COL15A1: variants seen among roughly 807,000 people sequenced by gnomAD.
COL15A1 encodes collagen alpha-1(XV) chain.
In COL15A1, 111 loss-of-function variants were observed where a neutral mutation model predicts 165.9. The ratio of observed to expected loss-of-function variants is 0.67; its 90% CI spans 0.57 to 0.78. The LOEUF is 0.78. Among genes scored for constraint, COL15A1 ranks in the 30% least tolerant of loss-of-function variants. The pLI is 0.00. For missense variants in COL15A1, 1,745 were observed against 1,789.7 expected (o/e 0.98, Z 0.45); for synonymous variants, 659 against 674.8 (o/e 0.98, Z 0.36).
chr9:99,042,606 C>T (rs1474027592), intron 24 of COL15A1, among the ~76,000 whole-genome samples: 1 of 152,170 alleles, frequency 6.6e-6, no homozygotes, highest in African/African-American at 2.4e-5. Context: ...GCCTGGTATA[C>T]AAATGGTACT....
At chr9:99,034,642 TTTGAGTTTACTA>T (rs1319560006) in intron 17 of COL15A1, 58 bp downstream of exon 17, 4 of 783,346 alleles carry the variant, frequency 5.1e-6, no homozygotes, top group Admixed American at 1.1e-4. Flanking sequence ...CTCCCCTTTC[TTTGAGTTTACTA>T]TAATTGGACT....
At chr9:99,004,553 T>C (rs568991561) in intron 8 of COL15A1, among the ~76,000 whole-genome samples, 1 of 152,278 alleles carries the variant, frequency 6.6e-6, no homozygotes, top group South Asian at 2.1e-4. Context: ...TCTGAGGACC[T>C]AGACTTTTGT....
In COL15A1 at chr9:98,986,015, G is replaced by A. The variant is rs138366672; in HGVS notation, c.551G>A (p.Arg184His). The A allele has an allele frequency of 6.5e-5, 105 of 1,614,068 alleles. No individual in the cohort carries two copies. In the African/African-American group the frequency reaches 9.1e-4, roughly 14 times the overall value. Residue 184 changes from arginine (R) to histidine (H), a missense_variant, in exon 3 of 42, where the codon CGC becomes CAC. By Grantham distance (29) the Arg-to-His change is conservative (BLOSUM62 0). Coordinates refer to ENST00000375001, the MANE Select transcript of COL15A1 (RefSeq NM_001855.5). ...CTCGTGAACTGTGAGGAGCACAGCC[G>A]CATCCCCTTCCAGCGGTCCTCCCAG... The part of the protein sequence containing the change: ...TLLVNCEEHS[R>H]IPFQRSSQAL...
chr9:99,049,545 C>A, intron 28 of COL15A1, 145 bp from the exon 29 acceptor site: 2 of 898,212 alleles, frequency 2.2e-6, no homozygotes, highest in Non-Finnish European at 3.4e-6. Flanking sequence ...CATAGAAGTG[C>A]TCTGTGGCTC....
Position 99,000,903 on chromosome 9 carries a change from T to C in COL15A1, c.1017T>C (p.Thr339=), listed in dbSNP as rs1004082080. The C allele has an allele frequency of 8.7e-6, 14 of 1,605,944 alleles. No homozygotes were observed. The Admixed American group carries it at 1.2e-4, about 13-fold the overall frequency. ...ATTCTGTGGATGGTGACCCCATTAC[T>C]GACAGCGGCTCAGGGGCTGGGGCCT... The part of the protein sequence containing the change: ...GVHSVDGDPI[T]DSGSGAGAFL... The change falls in exon 7 of 42, where the codon ACT becomes ACC. Residue 339 remains threonine, a synonymous_variant. Coordinates refer to ENST00000375001, the MANE Select transcript of COL15A1 (RefSeq NM_001855.5).
At chr9:98,973,558 C>A (rs1040433864) in intron 2 of COL15A1, among the ~76,000 whole-genome samples, 1 of 152,182 alleles carries the variant, frequency 6.6e-6, no homozygotes, top group Non-Finnish European at 1.5e-5. Context: ...CCTCAGGCAC[C>A]GTGGATTGTG....
chr9:98,962,074 C>T (rs775702590), intron 2 of COL15A1, among the ~76,000 whole-genome samples: 47 of 152,358 alleles, frequency 3.1e-4, no homozygotes, highest in Middle Eastern at 6.8e-3. Flanking sequence ...AGCTTCCTCC[C>T]GTCTATACAA....
chr9:98,956,009 A>G (rs982352195), intron 2 of COL15A1, among the ~76,000 whole-genome samples: 4 of 152,232 alleles, frequency 2.6e-5, no homozygotes, highest in Admixed American at 1.3e-4. Flanking sequence ...AACCTAAGAA[A>G]ATACCAAGGG....
At chr9:99,067,549 C>T (rs1183215824) in intron 40 of COL15A1, among the ~76,000 whole-genome samples, 2 of 152,088 alleles carry the variant, frequency 1.3e-5, no homozygotes, top group East Asian at 3.8e-4. Flanking sequence ...TAGGATCCCT[C>T]GATTATTCCA....
At chr9:99,040,407 T>C (rs1839381272) in intron 22 of COL15A1, 114 bp from the exon 23 acceptor site, 2 of 1,548,756 alleles carry the variant, frequency 1.3e-6, no homozygotes, top group Non-Finnish European at 1.8e-6. Flanking sequence ...CAATCCGTCT[T>C]CCCAGCTGTG....
intron 7 of COL15A1, among the ~76,000 whole-genome samples, chr9:99,002,320 A>G (rs1838673470): frequency 6.6e-6 from 1 of 151,788 alleles, no homozygotes; most frequent in East Asian, 1.9e-4. Context: ...GTCTCCCTGG[A>G]GAAAATCAGA....
At chr9:99,037,825 G>A (rs1349514132) in intron 21 of COL15A1, among the ~76,000 whole-genome samples, 1 of 152,196 alleles carries the variant, frequency 6.6e-6, no homozygotes, top group Non-Finnish European at 1.5e-5. Context: ...AACTTCCAAA[G>A]CTCTAGTGTC....
intron 30 of COL15A1, 108 bp downstream of exon 30, chr9:99,050,003 G>A (rs1839559259): frequency 1.4e-6 from 2 of 1,462,796 alleles, no homozygotes; most frequent in African/African-American, 1.4e-5. Flanking sequence ...TGTCCTCTCT[G>A]ATGTCTTCTG....
chr9:98,961,226 G>T (rs1837860842), intron 2 of COL15A1, among the ~76,000 whole-genome samples: 1 of 152,232 alleles, frequency 6.6e-6, no homozygotes, highest in African/African-American at 2.4e-5. Flanking sequence ...AAAATGAAAA[G>T]CAAGATAGGC....
chr9:98,998,966 G>A (rs1364555799), intron 6 of COL15A1, among the ~76,000 whole-genome samples: 1 of 152,232 alleles, frequency 6.6e-6, no homozygotes, highest in Admixed American at 6.5e-5. Context: ...ATCGTGACCC[G>A]TGGAAGGGGC....
Position 98,997,023 on chromosome 9 carries a change from C to G in COL15A1, c.894C>G (p.Pro298=), listed in dbSNP as rs745694244. ...TGGAACTTTCTGGTGAACCTGTACC[C>G]GAGGGGACCCTGGAAACCACCAACA... ...EDMELSGEPV[P]EGTLETTNMS... Residue 298 remains proline (P), a synonymous_variant, in exon 6 of 42, where the codon CCC becomes CCG. Transcript: ENST00000375001. 1.2e-6 allele frequency: 2 copies of G among 1,614,174 alleles called. No homozygotes were observed. The highest frequency in any genetic ancestry group is 1.1e-5 in the South Asian group (1 of 91,080).
At chr9:98,948,737 C>A (rs572905937) in intron 2 of COL15A1, among the ~76,000 whole-genome samples, 14 of 152,188 alleles carry the variant, frequency 9.2e-5, no homozygotes, top group African/African-American at 3.4e-4. Context: ...CATTGGAATA[C>A]CCAATATTTT....
chr9:98,998,137 T>A (rs1838580628), intron 6 of COL15A1, among the ~76,000 whole-genome samples: 1 of 152,258 alleles, frequency 6.6e-6, no homozygotes, highest in Non-Finnish European at 1.5e-5. Context: ...TAGAGCGATG[T>A]GTGTGTATTA....
At chr9:99,008,568 T>A (rs73503723) in intron 9 of COL15A1, among the ~76,000 whole-genome samples, 3,148 of 152,298 alleles carry the variant, frequency 0.021, 105 homozygotes, top group African/African-American at 0.073. Context: ...TTTGGAGAGA[T>A]CAGGTAGAAA....
Sources: allele counts gnomAD v4.1 joint callset (sites outside exome capture counted in the v4.1 genomes callset), GRCh38; gene constraint gnomAD v4.1.1; transcripts MANE v1.5; gene names NCBI Gene and HGNC (gene_info 2026-07-23, HGNC 2026-07-21).